MOB4: variants seen among roughly 807,000 people sequenced by gnomAD.
MOB4 encodes the protein MOB family member 4, phocein.
In MOB4, 4 loss-of-function variants were observed where a neutral mutation model predicts 32.2. The observed-to-expected ratio is 0.12, with a 90% CI of 0.06 to 0.28. The LOEUF (loss-of-function observed/expected upper bound fraction) is 0.28, where lower values mean the gene tolerates loss of function less well. Ranked by LOEUF, MOB4 falls within the 10% of genes least tolerant of loss-of-function variation. The pLI is 1.00. For synonymous variants in MOB4, 88 were observed against 88.1 expected (o/e 1.00, Z 0.01); for missense variants, 158 against 271.2 (o/e 0.58, Z 2.93).
intron 2 of MOB4, among the ~76,000 whole-genome samples, chr2:197,530,731 G>A (rs562254044): frequency 3.0e-4 from 46 of 152,102 alleles, no homozygotes; most frequent in African/African-American, 1.1e-3. Flanking sequence ...CTCTCAAGTA[G>A]CTGGGACTAC....
chr2:197,542,538 T>C (rs1396677236), intron 5 of MOB4, among the ~76,000 whole-genome samples: 4 of 152,192 alleles, frequency 2.6e-5, no homozygotes. Flanking sequence ...TTAGCACCAA[T>C]AATCATTTAT....
Position 197,551,668 on chromosome 2 carries a change from T to C in MOB4, c.*1022T>C, listed in dbSNP as rs1406354467. 6.5e-6 allele frequency: 1 copy of C among 152,764 alleles called. No homozygotes were observed. The highest frequency in any genetic ancestry group is 1.5e-5 in the Non-Finnish European group (1 of 68,030). The allele number at this position is 152,764 out of a possible 1,614,324, so 9.5% of individuals were successfully genotyped here. On this transcript the variant is annotated 3_prime_UTR_variant, in exon 8 of 8. Coordinates refer to ENST00000323303, the MANE Select transcript of MOB4 (RefSeq NM_015387.5). ...TGAAGAAATACCATAGTATTTATTT[T>C]ACACCCCCTCTCCCACGAAGTTTAT...
chr2:197,539,479 C>T (rs2086861007), intron 3 of MOB4, among the ~76,000 whole-genome samples: 7 of 151,908 alleles, frequency 4.6e-5, no homozygotes, highest in East Asian at 1.9e-4. Context: ...CTATTATGCC[C>T]GGCTAATTTT....
At chr2:197,516,908 A>G (rs1394917680) in intron 1 of MOB4, among the ~76,000 whole-genome samples, 1 of 152,216 alleles carries the variant, frequency 6.6e-6, no homozygotes, top group Admixed American at 6.5e-5. Context: ...CTCACATTAA[A>G]AATAAATAAA....
At position 197,553,647 on chromosome 2, in the gene MOB4, T is replaced by C. The variant is rs1280896063; in HGVS notation, c.*3001T>C. 2 of 152,198 alleles carry C rather than the reference T, an allele frequency of 1.3e-5. No homozygotes were observed. Among genetic ancestry groups the C allele is most frequent in the Non-Finnish European group, 2.9e-5 (2 of 68,030 alleles). The allele number at this position is 152,198 out of a possible 1,614,324, so 9.4% of individuals were successfully genotyped here. ...TTGTTGAATGTGCTAAAGGTTTCTT[T>C]GTGTAGTTCTTCCATGCTATGCGAA... On this transcript the variant is annotated 3_prime_UTR_variant, in exon 8 of 8. Coordinates refer to ENST00000323303, the MANE Select transcript of MOB4 (RefSeq NM_015387.5).
chr2:197,543,675 G>A (rs2086938945), intron 5 of MOB4, among the ~76,000 whole-genome samples: 1 of 152,170 alleles, frequency 6.6e-6, no homozygotes, highest in South Asian at 2.1e-4. Context: ...ACATTTGAAG[G>A]TAGGTAGAAG....
chr2:197,536,700 C>G (rs2086806204), intron 3 of MOB4, among the ~76,000 whole-genome samples: 1 of 138,650 alleles, frequency 7.2e-6, no homozygotes, highest in Non-Finnish European at 1.5e-5. Flanking sequence ...CTCCCGAGTT[C>G]AAGTGATTCT....
chr2:197,536,716 C>T (rs568336162), intron 3 of MOB4, among the ~76,000 whole-genome samples: 1 of 150,170 alleles, frequency 6.7e-6, no homozygotes, highest in East Asian at 2.0e-4. Context: ...ATTCTTCTGC[C>T]TCAGCCTCCC....
At chr2:197,543,906 A>AT (rs2086943293) in intron 5 of MOB4, among the ~76,000 whole-genome samples, 1 of 151,884 alleles carries the variant, frequency 6.6e-6, no homozygotes, top group East Asian at 1.9e-4. Context: ...CGCCTGACTA[A>AT]TTTTTGTATT....
chr2:197,539,047 CT>C (rs996268630), intron 3 of MOB4, among the ~76,000 whole-genome samples: 1 of 151,552 alleles, frequency 6.6e-6, no homozygotes, highest in Non-Finnish European at 1.5e-5. Context: ...CTGTTTTTTT[CT>C]TTTTTGGGGG....
intron 2 of MOB4, among the ~76,000 whole-genome samples, chr2:197,525,313 A>G (rs1028660024): frequency 6.6e-6 from 1 of 151,288 alleles, no homozygotes; most frequent in African/African-American, 2.4e-5. Flanking sequence ...GTGCCACTGC[A>G]CTCCAGCTTG....
At position 197,550,690 on chromosome 2, in the gene MOB4, T is replaced by C. The variant is rs777115834; in HGVS notation, c.*44T>C. On this transcript the variant is annotated 3_prime_UTR_variant, in exon 8 of 8. Coordinates refer to ENST00000323303, the MANE Select transcript of MOB4 (RefSeq NM_015387.5). Reference sequence around the variant, plus strand: ...TGTACTGATCATATAATTAACATTATGTACTGTATATATCATTTTAGACAC... The same window carrying C: ...TGTACTGATCATATAATTAACATTACGTACTGTATATATCATTTTAGACAC... 3.2e-6 allele frequency: 5 copies of C among 1,540,734 alleles called. No homozygotes were observed. Among genetic ancestry groups the C allele is most frequent in the Non-Finnish European group, 4.3e-6 (5 of 1,150,812 alleles).
chr2:197,518,179 G>A (rs1165842565), intron 1 of MOB4, among the ~76,000 whole-genome samples: 1 of 151,928 alleles, frequency 6.6e-6, no homozygotes, highest in Non-Finnish European at 1.5e-5. Flanking sequence ...AGTAGGTGGA[G>A]TATCTTCCTA....
chr2:197,535,240 AAAG>A (rs2086778411), intron 2 of MOB4, among the ~76,000 whole-genome samples: 1 of 64,722 alleles, frequency 1.5e-5, no homozygotes, highest in African/African-American at 3.3e-5. Flanking sequence ...AAAAAAAAAA[AAAG>A]AAATTATGGT....
intron 5 of MOB4, among the ~76,000 whole-genome samples, chr2:197,540,788 C>G (rs1279141964): frequency 1.3e-5 from 2 of 152,132 alleles, no homozygotes; most frequent in Non-Finnish European, 2.9e-5. Context: ...ATTGATTACT[C>G]TGATGCCTAG....
At chr2:197,516,025 C>T (rs2086402904), upstream of MOB4, 5 of 1,516,264 alleles carry the variant, frequency 3.3e-6, no homozygotes, top group East Asian at 1.0e-4. Flanking sequence ...CTGCCCCGCC[C>T]CCCGCGCAGG....
intron 1 of MOB4, among the ~76,000 whole-genome samples, chr2:197,517,203 G>A (rs2086430372): frequency 6.6e-6 from 1 of 152,188 alleles, no homozygotes. Context: ...AGAGAATTAA[G>A]TGGATTTGCC....
At chr2:197,517,849 A>G (rs1042778980) in intron 1 of MOB4, among the ~76,000 whole-genome samples, 36 of 152,322 alleles carry the variant, frequency 2.4e-4, no homozygotes, top group African/African-American at 7.5e-4. Context: ...ATTAAAAACT[A>G]TAATAGAGGG....
At chr2:197,531,318 A>G (rs570424272) in intron 2 of MOB4, among the ~76,000 whole-genome samples, 3 of 152,050 alleles carry the variant, frequency 2.0e-5, no homozygotes, top group Non-Finnish European at 2.9e-5. Context: ...TGCTGGGATT[A>G]CAGGCGTGAG....
Sources: gnomAD v4.1 joint callset for allele counts (sites outside exome capture counted in the v4.1 genomes callset) on GRCh38, gnomAD v4.1.1 for gene constraint, MANE v1.5 for transcripts, NCBI Gene and HGNC (gene_info 2026-07-23, HGNC 2026-07-21) for gene names.